RIMS1: variants seen among roughly 807,000 people sequenced by gnomAD.
The protein encoded by RIMS1 is regulating synaptic membrane exocytosis 1, also known as regulating synaptic membrane exocytosis protein 1.
A neutral mutation model predicts 214.1 loss-of-function variants in RIMS1; 83 were observed. The observed-to-expected ratio is 0.39, with a 90% CI of 0.32 to 0.47. RIMS1 has a LOEUF of 0.47. Among genes scored for constraint, RIMS1 ranks in the 20% least tolerant of loss-of-function variants. RIMS1 has a pLI of 0.99. For synonymous variants in RIMS1, 793 were observed against 786.8 expected, an observed-to-expected ratio of 1.01 and a Z score of -0.13; for missense variants, 2,050 against 2,161.8, an observed-to-expected ratio of 0.95 and a Z score of 1.03.
chr6:71,886,897 G>T lies in RIMS1; in HGVS notation c.-127G>T. Reference sequence around the variant, plus strand: ...TGCTGCTGCTGCTGCCGCCGCCGCCGCTGCTCCTCCTCCTGCCGCCGCCGC... The same window carrying T: ...TGCTGCTGCTGCTGCCGCCGCCGCCTCTGCTCCTCCTCCTGCCGCCGCCGC... On this transcript the variant is annotated 5_prime_UTR_variant, in exon 1 of 34. Coordinates refer to ENST00000521978, the MANE Select transcript of RIMS1 (RefSeq NM_014989.7). 1 of 1,070,408 alleles carries T rather than the reference G, an allele frequency of 9.3e-7. No homozygotes were observed. Among genetic ancestry groups the T allele is most frequent in the Non-Finnish European group, 1.4e-6 (1 of 738,376 alleles). The allele number at this position is 1,070,408 out of a possible 1,614,324, so 66.3% of individuals were successfully genotyped here. A position where few individuals can be genotyped will look rare whatever the true frequency, so the allele number is the denominator to read the frequency against.
Position 72,252,788 on chromosome 6 carries a change from T to G in RIMS1, c.2726T>G (p.Ile909Ser). 1 of 1,559,430 alleles carries G rather than the reference T, an allele frequency of 6.4e-7. No individual in the cohort carries two copies. The highest frequency in any genetic ancestry group is 8.7e-7 in the Non-Finnish European group (1 of 1,150,500). The part of the protein sequence containing the change: ...QRSQRISDSD[I>S]SDYEVDDGIG... Reference sequence around the variant, plus strand: ...TCTCAGCGAATCAGTGATAGTGACATCTCAGATTATGAGGTTGATGATGGT... The same window carrying G: ...TCTCAGCGAATCAGTGATAGTGACAGCTCAGATTATGAGGTTGATGATGGT... The change falls in exon 16 of 34, where the codon ATC becomes AGC. Residue 909 changes from isoleucine (I) to serine (S), a missense_variant. Physicochemically the swap from Ile to Ser is moderately radical, Grantham distance 142. Transcript: ENST00000521978.
At chr6:71,962,280 A>G (rs556637362) in intron 1 of RIMS1, among the ~76,000 whole-genome samples, 24 of 152,252 alleles carry the variant, frequency 1.6e-4, no homozygotes, top group African/African-American at 5.5e-4. Flanking sequence ...TTAGTTTATT[A>G]TCACTTTTAT....
chr6:72,084,628 A>C (rs933600613), intron 2 of RIMS1, among the ~76,000 whole-genome samples: 10 of 152,168 alleles, frequency 6.6e-5, no homozygotes, highest in African/African-American at 2.4e-4. Flanking sequence ...GCAGAAAACA[A>C]ATCTATGCTA....
intron 2 of RIMS1, among the ~76,000 whole-genome samples, chr6:72,024,533 G>T (rs1815728452): frequency 6.6e-6 from 1 of 152,066 alleles, no homozygotes; most frequent in South Asian, 2.1e-4. Flanking sequence ...TAGCTCCCAG[G>T]ATTTCACCTA....
chr6:72,253,336 T>TATATGTTTTAATACAATA (rs1451337647), intron 16 of RIMS1, among the ~76,000 whole-genome samples: 2 of 152,164 alleles, frequency 1.3e-5, no homozygotes, highest in Non-Finnish European at 2.9e-5. Context: ...AGAATGTGTG[T>TATATGTTTTAATACAATA]ATATGTTTTA....
intron 18 of RIMS1, among the ~76,000 whole-genome samples, chr6:72,259,337 T>A (rs1392636587): frequency 2.6e-5 from 4 of 152,166 alleles, no homozygotes; most frequent in South Asian, 2.1e-4. Flanking sequence ...AAATCAGAAT[T>A]TATGCTTAGA....
chr6:72,100,266 T>G (rs2033211710), intron 4 of RIMS1, among the ~76,000 whole-genome samples: 1 of 152,070 alleles, frequency 6.6e-6, no homozygotes, highest in African/African-American at 2.4e-5. Flanking sequence ...CTCTGAGTTT[T>G]GATGATTATT....
intron 3 of RIMS1, among the ~76,000 whole-genome samples, chr6:72,098,289 C>CTTTTTTT (rs58934201): frequency 3.5e-5 from 5 of 143,346 alleles, no homozygotes; most frequent in African/African-American, 5.1e-5. Flanking sequence ...ATCAATATAT[C>CTTTTTTT]TTTTTTTTTT....
At chr6:72,305,143 A>G (rs1264666924) in intron 26 of RIMS1, among the ~76,000 whole-genome samples, 1 of 152,068 alleles carries the variant, frequency 6.6e-6, no homozygotes, top group Non-Finnish European at 1.5e-5. Flanking sequence ...AAATGCAGCT[A>G]TAGCATAAGC....
chr6:71,922,747 G>A (rs184825379), intron 1 of RIMS1, among the ~76,000 whole-genome samples: 25 of 152,318 alleles, frequency 1.6e-4, no homozygotes, highest in African/African-American at 5.8e-4. Flanking sequence ...TATGAGAGGA[G>A]TATTTAGGTT....
Position 71,943,542 on chromosome 6 carries a change from T to C in RIMS1, c.165-25441T>C, listed in dbSNP as rs1313417355. 3.3e-5 allele frequency among the ~76,000 whole-genome samples: 5 copies of C among 152,200 alleles called. No individual in the cohort carries two copies. The East Asian group carries it at 9.6e-4, about 29-fold the overall frequency. On this transcript the variant is annotated intron_variant, in intron 1 of 33. Transcript: ENST00000521978. ...TGTTGAATTTTTACCTGTGCTTAAA[T>C]TTAGCACTGCTTTAATAATCAGTAA...
intron 29 of RIMS1, among the ~76,000 whole-genome samples, chr6:72,383,639 A>T (rs1001052520): frequency 6.6e-6 from 1 of 150,644 alleles, no homozygotes; most frequent in Non-Finnish European, 1.5e-5. Context: ...AAACTAAAAC[A>T]ATTAGTCAGG....
chr6:72,315,338 C>T (rs1418494040), intron 28 of RIMS1, among the ~76,000 whole-genome samples: 1 of 152,122 alleles, frequency 6.6e-6, no homozygotes, highest in Non-Finnish European at 1.5e-5. Flanking sequence ...AGTGATAAAT[C>T]TATTTTCTCT....
intron 1 of RIMS1, among the ~76,000 whole-genome samples, chr6:71,889,350 G>T (rs2150321434): frequency 6.6e-6 from 1 of 152,288 alleles, no homozygotes; most frequent in African/African-American, 2.4e-5. Context: ...TAAAAATTAG[G>T]AGCACTGTCC....
intron 23 of RIMS1, among the ~76,000 whole-genome samples, chr6:72,283,785 C>T (rs76870243): frequency 1.7e-3 from 258 of 152,230 alleles, no homozygotes; most frequent in Middle Eastern, 6.8e-3. Flanking sequence ...TTGTTGTAGA[C>T]GTACTTGTCT....
intron 29 of RIMS1, among the ~76,000 whole-genome samples, chr6:72,346,735 A>G (rs1400985017): frequency 2.6e-5 from 4 of 151,806 alleles, no homozygotes; most frequent in Admixed American, 2.0e-4. Context: ...AATGAGAATA[A>G]TATTTTGTGA....
intron 6 of RIMS1, among the ~76,000 whole-genome samples, chr6:72,218,688 A>G (rs1228231254): frequency 1.3e-5 from 2 of 152,216 alleles, no homozygotes; most frequent in East Asian, 1.9e-4. Context: ...TTAATAGTAG[A>G]CACCCACCAT....
intron 12 of RIMS1, 56 bp from the exon 13 acceptor site, chr6:72,250,274 T>C (rs2072592368): frequency 6.5e-7 from 1 of 1,534,702 alleles, no homozygotes; most frequent in Admixed American, 2.1e-5. Context: ...TTGTTTTATG[T>C]AAAATTGTAA....
Position 72,182,944 on chromosome 6 carries a change from G to T in RIMS1, c.1473G>T (p.Lys491Asn). The change falls in exon 6 of 34, where the codon AAG becomes AAT. Residue 491 changes from lysine to asparagine, a missense_variant. Physicochemically the swap from Lys to Asn is moderately conservative, Grantham distance 94. Around this residue, in one of 6 missense-constraint regions of RIMS1, gnomAD observed 882 missense variants for 828.9 expected, o/e 1.06. Transcript: ENST00000521978. ...TCATGCGGAAGGCCAAGCGCGAGAA[G>T]GTGGAGACCATGCTGCGGAACGACT... ...AVLMRKAKREKVETMLRNDSL... is the reference protein window; with the variant it reads ...AVLMRKAKRENVETMLRNDSL... 1.3e-6 allele frequency: 2 copies of T among 1,590,436 alleles called. No homozygotes were observed. Among genetic ancestry groups the T allele is most frequent in the East Asian group, 2.3e-5 (1 of 43,518 alleles).
Sources: gnomAD v4.1 joint callset for allele counts (sites outside exome capture counted in the v4.1 genomes callset) on GRCh38, gnomAD v4.1.1 for gene constraint, gnomAD v4.1.1 regional missense constraint, MANE v1.5 for transcripts, NCBI Gene and HGNC (gene_info 2026-07-23, HGNC 2026-07-21) for gene names.